TRPA1: variants seen among roughly 807,000 people sequenced by gnomAD.
TRPA1 encodes transient receptor potential cation channel subfamily A member 1.
Under a neutral mutation model 131.3 loss-of-function variants are expected in TRPA1, and 129 were observed. That is an observed-to-expected ratio of 0.98 (90% CI 0.85 to 1.14). TRPA1 has a LOEUF of 1.14. TRPA1 is among the 50% of genes most tolerant of loss of function. The pLI, the probability that TRPA1 is intolerant of heterozygous loss-of-function variation, is 0.00. For synonymous variants in TRPA1, 441 were observed against 451.7 expected (o/e 0.98, Z 0.30); for missense variants, 1,304 against 1,354.2 (o/e 0.96, Z 0.58).
upstream of TRPA1, chr8:72,075,665 T>C: frequency 1.9e-6 from 1 of 518,540 alleles, no homozygotes; most frequent in Non-Finnish European, 3.5e-6. Context: ...GCGGAGCTCC[T>C]TCGCAAAGAG....
At chr8:72,088,445 T>A in the TRPA1 span, among the ~76,000 whole-genome samples, 2 of 140,720 alleles carry the variant, frequency 1.4e-5, no homozygotes, top group African/African-American at 2.6e-5. Flanking sequence ...TAGACAACAA[T>A]CTCAATCCAA....
At chr8:72,079,906 T>C (rs543214955), upstream of TRPA1, among the ~76,000 whole-genome samples, 1 of 151,960 alleles carries the variant, frequency 6.6e-6, no homozygotes, top group Non-Finnish European at 1.5e-5. Context: ...AAGGATTTTA[T>C]TAATTTTAAG....
chr8:72,073,418 G>T (rs1480992284), intron 1 of TRPA1, among the ~76,000 whole-genome samples: 1 of 152,102 alleles, frequency 6.6e-6, no homozygotes, highest in Non-Finnish European at 1.5e-5. Context: ...GTATGTGCTG[G>T]AGAAAATATG....
At chr8:72,081,035 T>C in the TRPA1 span, among the ~76,000 whole-genome samples, 1 of 151,760 alleles carries the variant, frequency 6.6e-6, no homozygotes, top group Non-Finnish European at 1.5e-5. Context: ...TTTTGTTTCA[T>C]TTTTTTCTTT....
intron 13 of TRPA1, 116 bp downstream of exon 13, chr8:72,053,637 C>A: frequency 1.3e-6 from 1 of 788,420 alleles, no homozygotes; most frequent in Non-Finnish European, 2.2e-6. Context: ...AAACACCCAA[C>A]AAAAGGCTGG....
chr8:72,077,296 G>GC (rs1168400657), upstream of TRPA1, among the ~76,000 whole-genome samples: 1 of 143,802 alleles, frequency 7.0e-6, no homozygotes, highest in African/African-American at 2.7e-5. Flanking sequence ...GGGGTGGGGG[G>GC]GGGGGCAGCG....
rs753640805 is a variant in TRPA1 at position 72,046,542 on chromosome 8, C to T, written c.2032G>A (p.Val678Ile). 1.3e-6 allele frequency: 2 copies of T among 1,594,440 alleles called. No homozygotes were observed. The highest frequency in any genetic ancestry group is 2.3e-5 in the East Asian group (1 of 44,354). ...EFTKKTPTQDVIYEPLTALNA... is the reference protein window; with the variant it reads ...EFTKKTPTQDIIYEPLTALNA... ...AGGGCTGTAAGCGGTTCATATATAACATCCTGTGTAGGTGTTTTTTTGGTG... is the reference window on the plus strand; with the variant it reads ...AGGGCTGTAAGCGGTTCATATATAATATCCTGTGTAGGTGTTTTTTTGGTG... The change falls in exon 17 of 27, where the codon GTT becomes ATT. Residue 678 changes from valine (V) to isoleucine (I), a missense_variant. Val to Ile is a conservative substitution (Grantham distance 29). Coordinates refer to ENST00000262209, the MANE Select transcript of TRPA1 (RefSeq NM_007332.3).
chr8:72,036,170 T>C, intron 21 of TRPA1, 118 bp downstream of exon 21: 3 of 1,092,474 alleles, frequency 2.7e-6, no homozygotes, highest in Non-Finnish European at 2.7e-6. Context: ...AAATTCTTCA[T>C]ATTTTGAAAC....
chr8:72,027,612 A>G (rs1811654077), intron 24 of TRPA1, among the ~76,000 whole-genome samples: 1 of 152,158 alleles, frequency 6.6e-6, no homozygotes, highest in Admixed American at 6.5e-5. Flanking sequence ...CCCATCTCCC[A>G]GCATGCATTG....
the TRPA1 span, among the ~76,000 whole-genome samples, chr8:72,085,994 G>A: frequency 5.9e-5 from 9 of 152,078 alleles, no homozygotes; most frequent in East Asian, 3.9e-4. Context: ...TCTGCCTCCC[G>A]GGTTCAAGCA....
intron 8 of TRPA1, 55 bp downstream of exon 8, chr8:72,059,333 TAC>T: frequency 8.7e-7 from 1 of 1,149,480 alleles, no homozygotes; most frequent in Admixed American, 2.2e-5. Flanking sequence ...TATGTAATTA[TAC>T]GATTTCTTAA....
In TRPA1 at chr8:72,060,001, A is replaced by G. The variant is rs151247091; in HGVS notation, c.945-563T>C. 1.2e-3 allele frequency among the ~76,000 whole-genome samples: 187 copies of G among 152,262 alleles called. No individual in the cohort carries two copies. In the East Asian group the frequency reaches 0.031, roughly 25 times the overall value. On this transcript the variant is annotated intron_variant, in intron 7 of 26. Transcript: ENST00000262209. ...ACCATAACAAATGTTAATACTAATGACTTAAAGCTTTGTGTTTCCTATCGC... is the reference window on the plus strand; with the variant it reads ...ACCATAACAAATGTTAATACTAATGGCTTAAAGCTTTGTGTTTCCTATCGC...
intron 25 of TRPA1, 86 bp from the exon 26 acceptor site, chr8:72,023,997 G>T: frequency 3.5e-6 from 3 of 860,332 alleles, no homozygotes; most frequent in Non-Finnish European, 6.0e-6. Flanking sequence ...AACCACCACT[G>T]GTACCAATAT....
chr8:72,035,342 C>A (rs190826760), intron 21 of TRPA1, among the ~76,000 whole-genome samples: 1 of 152,274 alleles, frequency 6.6e-6, no homozygotes, highest in Non-Finnish European at 1.5e-5. Flanking sequence ...CACTGCCTTT[C>A]TCACCATACC....
Position 72,046,577 on chromosome 8 carries a change from G to T in TRPA1, c.1997C>A (p.Pro666Gln). The change falls in exon 17 of 27, where the codon CCA becomes CAA. Residue 666 changes from proline (P) to glutamine (Q), a missense_variant. By Grantham distance (76) the Pro-to-Gln change is moderately conservative. Coordinates refer to ENST00000262209, the MANE Select transcript of TRPA1 (RefSeq NM_007332.3). The part of the protein sequence containing the change: ...IEYNFKYLQC[P>Q]LEFTKKTPTQ... ...AGGTGTTTTTTTGGTGAATTCTAAT[G>T]GACATTGAAGATATTTGAAATTATA... is the stretch of plus-strand genomic sequence containing the variant. The T allele has an allele frequency of 6.3e-7, 1 of 1,594,946 alleles. No homozygotes were observed. Among genetic ancestry groups the T allele is most frequent in the South Asian group, 1.1e-5 (1 of 89,052 alleles).
At chr8:72,030,972 C>T (rs1203818567) in intron 23 of TRPA1, among the ~76,000 whole-genome samples, 4 of 152,168 alleles carry the variant, frequency 2.6e-5, no homozygotes, top group African/African-American at 9.7e-5. Context: ...ATCTTGCATG[C>T]TGCACCAGAA....
intron 14 of TRPA1, among the ~76,000 whole-genome samples, chr8:72,051,401 C>A (rs1006619754): frequency 2.6e-5 from 4 of 152,202 alleles, no homozygotes; most frequent in East Asian, 1.9e-4. Flanking sequence ...CACCATCCAA[C>A]TGAACAGGGT....
chr8:72,040,355 G>A (rs1346208650), intron 17 of TRPA1, among the ~76,000 whole-genome samples: 2 of 152,056 alleles, frequency 1.3e-5, no homozygotes, highest in African/African-American at 2.4e-5. Context: ...ATAGAGATAT[G>A]GAATTGAAAA....
chr8:72,038,810 GA>G (rs1215893322), intron 19 of TRPA1, 54 bp downstream of exon 19: 1 of 1,493,580 alleles, frequency 6.7e-7, no homozygotes, highest in African/African-American at 1.4e-5. Flanking sequence ...GTAGTCTTAA[GA>G]AAAAATACAT....
Sources: gnomAD v4.1 joint callset for allele counts (sites outside exome capture counted in the v4.1 genomes callset) on GRCh38, gnomAD v4.1.1 for gene constraint, MANE v1.5 for transcripts, NCBI Gene and HGNC (gene_info 2026-07-23, HGNC 2026-07-21) for gene names.